Variants in SLC35D4 observed in about 807,000 individuals in gnomAD.
SLC35D4 encodes UDP-N-acetylglucosamine transporter SLC35D4.
At chr18:23,344,044 G>A in the SLC35D4 span, among the ~76,000 whole-genome samples, 1 of 151,968 alleles carries the variant, frequency 6.6e-6, no homozygotes, top group African/African-American at 2.4e-5. Flanking sequence ...GATTACAGGT[G>A]CGTGCCACGA....
At chr18:23,371,481 A>G in the SLC35D4 span, 5 of 1,590,094 alleles carry the variant, frequency 3.1e-6, no homozygotes, top group Non-Finnish European at 4.3e-6. Context: ...CTGAAACACA[A>G]AATTAAAAAA....
the SLC35D4 span, among the ~76,000 whole-genome samples, chr18:23,371,926 G>GTTTTTTTTGGT: frequency 2.5e-4 from 3 of 11,862 alleles, no homozygotes; most frequent in East Asian, 2.2e-3. Flanking sequence ...TTTCTTCCTT[G>GTTTTTTTTGGT]TTTTTTTTGT....
the SLC35D4 span, among the ~76,000 whole-genome samples, chr18:23,332,462 T>G: frequency 6.6e-6 from 1 of 152,202 alleles, no homozygotes; most frequent in Non-Finnish European, 1.5e-5. Flanking sequence ...AGCATAAATA[T>G]CATTCTACAA....
chr18:23,319,522 C>A, the SLC35D4 span, among the ~76,000 whole-genome samples: 1 of 152,166 alleles, frequency 6.6e-6, no homozygotes, highest in East Asian at 1.9e-4. Flanking sequence ...TGGCTCACTG[C>A]AACCTCTGCC....
At chr18:23,421,287 G>T in the SLC35D4 span, 2 of 1,196,346 alleles carry the variant, frequency 1.7e-6, no homozygotes, top group East Asian at 2.4e-5. Context: ...TGCTTCCAGT[G>T]TAACACCATA....
the SLC35D4 span, among the ~76,000 whole-genome samples, chr18:23,412,993 C>A: frequency 6.6e-5 from 10 of 152,298 alleles, no homozygotes; most frequent in Admixed American, 3.3e-4. Context: ...CTGGGCTATA[C>A]ACAAAGGACC....
At chr18:23,393,232 T>A in the SLC35D4 span, among the ~76,000 whole-genome samples, 9 of 152,190 alleles carry the variant, frequency 5.9e-5, no homozygotes, top group South Asian at 1.2e-3. Flanking sequence ...TTTTTTTTTT[T>A]ATTGTGGTAA....
chr18:23,253,738 A>G, the SLC35D4 span: 1 of 1,614,086 alleles, frequency 6.2e-7, no homozygotes, highest in Middle Eastern at 1.7e-4. Flanking sequence ...GTCTGAAACG[A>G]GAGATGCGGA....
the SLC35D4 span, among the ~76,000 whole-genome samples, chr18:23,359,383 CAAAAAAA>C: frequency 1.1e-5 from 1 of 92,806 alleles, no homozygotes; most frequent in African/African-American, 3.8e-5. Context: ...GACTCCATCT[CAAAAAAA>C]AAAAAAAAAA....
At chr18:23,308,069 C>T in the SLC35D4 span, among the ~76,000 whole-genome samples, 6 of 152,188 alleles carry the variant, frequency 3.9e-5, no homozygotes, top group African/African-American at 9.7e-5. Flanking sequence ...TCACAACAGT[C>T]AGAACTGTCA....
chr18:23,278,916 G>A, the SLC35D4 span, among the ~76,000 whole-genome samples: 1 of 151,546 alleles, frequency 6.6e-6, no homozygotes, highest in African/African-American at 2.4e-5. Flanking sequence ...CAGAGGCTGG[G>A]TTGGGAGGAT....
chr18:23,436,408 G>A, the SLC35D4 span, among the ~76,000 whole-genome samples: 1 of 152,158 alleles, frequency 6.6e-6, no homozygotes, highest in Non-Finnish European at 1.5e-5. Flanking sequence ...GGTTCCAAAC[G>A]CCAAGTAAGT....
At chr18:23,352,548 T>A in the SLC35D4 span, among the ~76,000 whole-genome samples, 1 of 152,148 alleles carries the variant, frequency 6.6e-6, no homozygotes, top group East Asian at 1.9e-4. Context: ...TCTGGCTAAA[T>A]CATGAAAGAA....
At chr18:23,240,763 C>T in the SLC35D4 span, among the ~76,000 whole-genome samples, 6 of 152,248 alleles carry the variant, frequency 3.9e-5, no homozygotes, top group South Asian at 2.1e-4. Flanking sequence ...CAGAGGCGCC[C>T]ACCTGAAATC....
chr18:23,369,624 A>G, the SLC35D4 span, among the ~76,000 whole-genome samples: 1 of 150,590 alleles, frequency 6.6e-6, no homozygotes, highest in African/African-American at 2.5e-5. Flanking sequence ...ATGTCATCTG[A>G]GAGGTGACAT....
At chr18:23,241,174 A>G in the SLC35D4 span, among the ~76,000 whole-genome samples, 2 of 152,056 alleles carry the variant, frequency 1.3e-5, no homozygotes, top group African/African-American at 4.8e-5. Flanking sequence ...CCTTCATACA[A>G]CTTAACATGT....
chr18:23,386,060 G>A, the SLC35D4 span, among the ~76,000 whole-genome samples: 3 of 148,864 alleles, frequency 2.0e-5, no homozygotes, highest in Non-Finnish European at 4.4e-5. Flanking sequence ...ATGAACCCAG[G>A]AGGCAGAACT....
the SLC35D4 span, among the ~76,000 whole-genome samples, chr18:23,369,840 A>G: frequency 6.6e-6 from 1 of 152,278 alleles, no homozygotes; most frequent in South Asian, 2.1e-4. Context: ...ATGATACCAC[A>G]AGTCTCAGCC....
At chr18:23,269,003 C>G in the SLC35D4 span, among the ~76,000 whole-genome samples, 1 of 152,180 alleles carries the variant, frequency 6.6e-6, no homozygotes, top group Non-Finnish European at 1.5e-5. Flanking sequence ...CAGAGATAGT[C>G]AGATCTCCTC....
Sources: gnomAD v4.1 joint callset for allele counts (sites outside exome capture counted in the v4.1 genomes callset) on GRCh38, gnomAD v4.1.1 for gene constraint, MANE v1.5 for transcripts, NCBI Gene and HGNC (gene_info 2026-07-23, HGNC 2026-07-21) for gene names.